RAVER2: variants seen among roughly 807,000 people sequenced by gnomAD.
RAVER2 encodes the protein ribonucleoprotein PTB-binding 2.
A neutral mutation model predicts 78.1 loss-of-function variants in RAVER2; 46 were observed. That is an observed-to-expected ratio of 0.59 (90% confidence interval 0.46 to 0.75). The LOEUF is 0.75. Among genes scored for constraint, RAVER2 ranks in the 30% least tolerant of loss-of-function variants. RAVER2 has a pLI of 0.00. For synonymous variants in RAVER2, 311 were observed against 313.3 expected (o/e 0.99, Z 0.08); for missense variants, 793 against 837.5 (o/e 0.95, Z 0.66).
At chr1:64,789,449 T>C (rs777361942) in exon 5 of RAVER2, 2 of 1,610,306 alleles carry the variant, frequency 1.2e-6, no homozygotes, top group African/African-American at 1.3e-5. Flanking sequence ...ATGAAAAGTT[T>C]AAACAACCCT....
At chr1:64,779,631 C>T (rs994557156) in intron 3 of RAVER2, among the ~76,000 whole-genome samples, 1 of 151,780 alleles carries the variant, frequency 6.6e-6, no homozygotes, top group Non-Finnish European at 1.5e-5. Context: ...CCTGCCTTGG[C>T]CTCCCAAAGC....
exon 12 of RAVER2, chr1:64,831,933 C>CAAAG (rs1654149455): frequency 6.6e-6 from 1 of 152,168 alleles, no homozygotes; most frequent in African/African-American, 2.4e-5. Flanking sequence ...GTATGGCCTA[C>CAAAG]AAAGACCATA....
intron 6 of RAVER2, among the ~76,000 whole-genome samples, chr1:64,804,266 C>T (rs766217977): frequency 6.6e-6 from 1 of 152,016 alleles, no homozygotes; most frequent in Non-Finnish European, 1.5e-5. Flanking sequence ...TCTTATAGCC[C>T]CCTGTATTTT....
intron 1 of RAVER2, among the ~76,000 whole-genome samples, chr1:64,755,724 GTTTTTTTTT>G (rs753375050): frequency 6.4e-4 from 39 of 60,656 alleles, no homozygotes; most frequent in African/African-American, 1.5e-3. Flanking sequence ...ATGCTTCATA[GTTTTTTTTT>G]TTTTTTTTTT....
chr1:64,797,254 T>A (rs1238348138), intron 5 of RAVER2, among the ~76,000 whole-genome samples: 1 of 152,200 alleles, frequency 6.6e-6, no homozygotes, highest in Non-Finnish European at 1.5e-5. Flanking sequence ...GTCTCCTATA[T>A]CCTTACTGAT....
At chr1:64,818,564 A>C (rs1653811705) in intron 11 of RAVER2, among the ~76,000 whole-genome samples, 1 of 152,154 alleles carries the variant, frequency 6.6e-6, no homozygotes, top group Non-Finnish European at 1.5e-5. Flanking sequence ...AACTGGACTA[A>C]ATATGAATGA....
Position 64,745,443 on chromosome 1 carries a change from C to T in RAVER2, c.249+22C>T. The stretch of plus-strand genomic sequence containing the variant: ...CCAGGTACTGGGACGGTGATAGGGG[C>T]GACGCGTCCCGAGGGGCGGCGGGGC... On this transcript the variant is annotated intron_variant, in intron 1 of 11. Transcript: ENST00000294428. The surrounding 1 kb of genome is among the most constrained non-coding windows in gnomAD (Gnocchi z 4.3). 6.6e-7 allele frequency: 1 copy of T among 1,509,498 alleles called. No individual in the cohort carries two copies. The highest frequency in any genetic ancestry group is 8.9e-7 in the Non-Finnish European group (1 of 1,122,310). 93.5% of individuals were successfully genotyped at this position (1,509,498 alleles called of 1,614,324 possible).
At chr1:64,773,088 G>A (rs1652364495) in intron 2 of RAVER2, among the ~76,000 whole-genome samples, 1 of 152,078 alleles carries the variant, frequency 6.6e-6, no homozygotes, top group Admixed American at 6.6e-5. Context: ...CTTTTATATG[G>A]GAAATGAGGG....
intron 1 of RAVER2, among the ~76,000 whole-genome samples, chr1:64,748,461 C>T (rs540686413): frequency 6.6e-5 from 10 of 152,206 alleles, no homozygotes; most frequent in Non-Finnish European, 1.3e-4. Context: ...AAAAACCAGC[C>T]TTTGGCTGCA....
At chr1:64,772,342 A>G (rs1652341571) in intron 2 of RAVER2, among the ~76,000 whole-genome samples, 1 of 152,168 alleles carries the variant, frequency 6.6e-6, no homozygotes, top group African/African-American at 2.4e-5. Context: ...AAATGCAGAT[A>G]CCTAAGAAAA....
chr1:64,747,527 T>TC (rs1651573854), intron 1 of RAVER2, among the ~76,000 whole-genome samples: 2 of 151,818 alleles, frequency 1.3e-5, no homozygotes, highest in African/African-American at 2.4e-5. Flanking sequence ...TTTTTTTTTT[T>TC]CTGAGACAGA....
intron 1 of RAVER2, among the ~76,000 whole-genome samples, chr1:64,758,964 G>A (rs1156917788): frequency 6.7e-6 from 1 of 150,010 alleles, no homozygotes; most frequent in Admixed American, 6.6e-5. Flanking sequence ...TTTATGTATG[G>A]TTATTCTTTG....
At chr1:64,779,693 T>C (rs1163654512) in intron 3 of RAVER2, among the ~76,000 whole-genome samples, 3 of 152,020 alleles carry the variant, frequency 2.0e-5, no homozygotes, top group Non-Finnish European at 4.4e-5. Flanking sequence ...AATTATATTA[T>C]GTTGTCATCC....
At chr1:64,775,219 A>G (rs1431744298) in intron 2 of RAVER2, among the ~76,000 whole-genome samples, 1 of 152,196 alleles carries the variant, frequency 6.6e-6, no homozygotes. Flanking sequence ...ATATGAAGAT[A>G]TATGTGGCAC....
chr1:64,783,322 G>T (rs935805027), intron 4 of RAVER2, among the ~76,000 whole-genome samples: 1 of 152,154 alleles, frequency 6.6e-6, no homozygotes, highest in Non-Finnish European at 1.5e-5. Context: ...CTTCCACAAT[G>T]GTTGAACTAA....
chr1:64,812,621 T>C, intron 9 of RAVER2, 117 bp from the exon 10 acceptor site: 1 of 603,964 alleles, frequency 1.7e-6, no homozygotes, highest in Non-Finnish European at 2.8e-6. Flanking sequence ...TTAGTGAACA[T>C]CCATAAATAT....
chr1:64,793,386 A>G (rs1266798005), intron 5 of RAVER2, among the ~76,000 whole-genome samples: 1 of 152,092 alleles, frequency 6.6e-6, no homozygotes, highest in African/African-American at 2.4e-5. Flanking sequence ...TGATTATGTT[A>G]CTCTGACCAA....
At chr1:64,827,272 C>T (rs2780814) in intron 11 of RAVER2, among the ~76,000 whole-genome samples, 73,647 of 151,882 alleles carry the variant, frequency 0.48, 20,555 homozygotes, top group African/African-American at 0.78. Context: ...TGAGGGTGTA[C>T]TGTTGGAGCT....
intron 6 of RAVER2, 78 bp downstream of exon 6, chr1:64,803,139 T>C (rs1303528267): frequency 9.2e-7 from 1 of 1,084,416 alleles, no homozygotes; most frequent in East Asian, 2.4e-5. Flanking sequence ...CTTAAAGTTC[T>C]CAAGAAATTA....
Sources: allele counts gnomAD v4.1 joint callset (sites outside exome capture counted in the v4.1 genomes callset), GRCh38; gene constraint gnomAD v4.1.1; non-coding constraint Gnocchi (gnomAD v3.1); transcripts MANE v1.5; gene names NCBI Gene and HGNC (gene_info 2026-07-23, HGNC 2026-07-21).